AFF3: variants seen among roughly 807,000 people sequenced by gnomAD.
AFF3 encodes AF4/FMR2 family member 3.
In AFF3, 32 loss-of-function variants were observed where a neutral mutation model predicts 129.7. The ratio of observed to expected loss-of-function variants is 0.25; its 90% CI spans 0.19 to 0.33. The LOEUF (loss-of-function observed/expected upper bound fraction) is 0.33, where lower values mean the gene tolerates loss of function less well. AFF3 is among the 10% of genes least tolerant of loss of function. AFF3 has a pLI of 1.00. For synonymous variants in AFF3, 644 were observed against 635.4 expected (o/e 1.01, Z -0.20); for missense variants, 1,373 against 1,592.0 (o/e 0.86, Z 2.34).
intron 7 of AFF3, among the ~76,000 whole-genome samples, chr2:99,864,634 C>T (rs76003173): frequency 4.5e-4 from 68 of 152,262 alleles, no homozygotes; most frequent in African/African-American, 1.6e-3. Flanking sequence ...ATACTAGAAA[C>T]ACTCTGCTGC....
intron 4 of AFF3, among the ~76,000 whole-genome samples, chr2:100,090,340 T>C (rs1425833590): frequency 1.3e-5 from 2 of 152,204 alleles, no homozygotes; most frequent in African/African-American, 4.8e-5. Context: ...TGACCAGATG[T>C]GGCAAACAGT....
chr2:99,970,304 C>G (rs866015309), intron 7 of AFF3, among the ~76,000 whole-genome samples: 10 of 152,158 alleles, frequency 6.6e-5, no homozygotes, highest in South Asian at 2.1e-4. Flanking sequence ...TCTCCCCTGA[C>G]CATCCTTTCT....
chr2:99,942,199 G>A (rs73964370), intron 7 of AFF3, among the ~76,000 whole-genome samples: 1 of 152,076 alleles, frequency 6.6e-6, no homozygotes, highest in South Asian at 2.1e-4. Flanking sequence ...AGCAAATGAC[G>A]ATCTGCTGGA....
At chr2:99,692,492 T>G (rs1675771834) in intron 11 of AFF3, among the ~76,000 whole-genome samples, 1 of 152,122 alleles carries the variant, frequency 6.6e-6, no homozygotes, top group Admixed American at 6.5e-5. Context: ...GACAGGCTGA[T>G]GAAGGGCCTG....
chr2:99,726,874 C>T (rs1292226848), intron 11 of AFF3, among the ~76,000 whole-genome samples: 1 of 152,196 alleles, frequency 6.6e-6, no homozygotes, highest in Non-Finnish European at 1.5e-5. Context: ...GAAGCATTTG[C>T]ATTTTTCAAG....
At chr2:99,939,535 G>A (rs755231347) in intron 7 of AFF3, among the ~76,000 whole-genome samples, 20 of 152,156 alleles carry the variant, frequency 1.3e-4, no homozygotes, top group South Asian at 2.1e-4. Flanking sequence ...AGTTTAGATT[G>A]ACACTGTATT....
chr2:99,993,145 C>T (rs763560780), intron 7 of AFF3, among the ~76,000 whole-genome samples: 1 of 152,136 alleles, frequency 6.6e-6, no homozygotes, highest in Non-Finnish European at 1.5e-5. Flanking sequence ...CTCAGATTGA[C>T]AATGATAGAA....
chr2:99,682,583 A>G (rs1045710539), intron 11 of AFF3, among the ~76,000 whole-genome samples: 2 of 152,164 alleles, frequency 1.3e-5, no homozygotes, highest in African/African-American at 4.8e-5. Flanking sequence ...CACACCTTTC[A>G]AGCTCCCTGG....
chr2:99,706,944 C>T (rs368967653), intron 11 of AFF3, among the ~76,000 whole-genome samples: 4 of 152,306 alleles, frequency 2.6e-5, no homozygotes, highest in East Asian at 3.9e-4. Context: ...TTAAAGTTTA[C>T]GGCACAGACA....
intron 7 of AFF3, among the ~76,000 whole-genome samples, chr2:99,929,373 G>A (rs985181299): frequency 1.1e-4 from 17 of 152,190 alleles, no homozygotes; most frequent in African/African-American, 4.1e-4. Flanking sequence ...TAGCAAGGGT[G>A]AGAAAATTCA....
intron 7 of AFF3, among the ~76,000 whole-genome samples, chr2:99,851,461 C>T (rs1690136658): frequency 6.6e-6 from 1 of 152,176 alleles, no homozygotes; most frequent in Non-Finnish European, 1.5e-5. Context: ...CCCTTTCCGC[C>T]TCTGGGCTGG....
chr2:99,778,870 TTG>T (rs60512639), intron 8 of AFF3, among the ~76,000 whole-genome samples: 2,300 of 138,184 alleles, frequency 0.017, 44 homozygotes, highest in East Asian at 0.08. Context: ...ACCTATAATT[TTG>T]TGTGTGTGTG....
At chr2:99,994,597 C>A (rs1680662704) in intron 7 of AFF3, among the ~76,000 whole-genome samples, 2 of 151,980 alleles carry the variant, frequency 1.3e-5, no homozygotes, top group South Asian at 4.2e-4. Context: ...AGATTATTAT[C>A]ATTTTTTAAT....
At chr2:99,831,285 ATAAAAG>A (rs1286572166) in intron 8 of AFF3, among the ~76,000 whole-genome samples, 1 of 152,260 alleles carries the variant, frequency 6.6e-6, no homozygotes, top group Non-Finnish European at 1.5e-5. Flanking sequence ...TACAATAACT[ATAAAAG>A]TAATCTTCAG....
chr2:99,954,993 G>T (rs1377269063), intron 7 of AFF3, among the ~76,000 whole-genome samples: 1 of 151,488 alleles, frequency 6.6e-6, no homozygotes, highest in Non-Finnish European at 1.5e-5. Context: ...AATAAATAAA[G>T]AGTGGAGAAT....
chr2:99,616,581 C>T (rs912109483), intron 13 of AFF3, among the ~76,000 whole-genome samples: 1 of 152,068 alleles, frequency 6.6e-6, no homozygotes, highest in African/African-American at 2.4e-5. Flanking sequence ...TGGTGAAACC[C>T]TGTCTCTACT....
chr2:99,740,693 C>T (rs1318120381), intron 10 of AFF3, among the ~76,000 whole-genome samples: 2 of 151,346 alleles, frequency 1.3e-5, no homozygotes, highest in Non-Finnish European at 2.9e-5. Flanking sequence ...TGTTTGAGTT[C>T]ATTGTAGGTT....
At chr2:99,614,315 T>C (rs965662737) in intron 13 of AFF3, among the ~76,000 whole-genome samples, 2 of 152,278 alleles carry the variant, frequency 1.3e-5, no homozygotes, top group South Asian at 4.1e-4. Flanking sequence ...GGACATAAAT[T>C]AAGTCTCACA....
intron 13 of AFF3, among the ~76,000 whole-genome samples, chr2:99,605,033 T>C (rs1391732899): frequency 1.3e-5 from 2 of 152,254 alleles, no homozygotes; most frequent in African/African-American, 4.8e-5. Context: ...AAACTGGCAC[T>C]TTAATTTCTG....
Sources: allele counts gnomAD v4.1 joint callset (sites outside exome capture counted in the v4.1 genomes callset), GRCh38; gene constraint gnomAD v4.1.1; transcripts MANE v1.5; gene names NCBI Gene and HGNC (gene_info 2026-07-23, HGNC 2026-07-21).